DENND5B: variants seen among roughly 807,000 people sequenced by gnomAD.
DENND5B encodes the protein DENN domain containing 5B, also known as DENN domain-containing protein 5B.
In DENND5B, 34 loss-of-function variants were observed where a neutral mutation model predicts 140.6. The ratio of observed to expected loss-of-function variants is 0.24; its 90% CI spans 0.18 to 0.32. The LOEUF (loss-of-function observed/expected upper bound fraction) is 0.32, where lower values mean the gene tolerates loss of function less well. Ranked by LOEUF, DENND5B falls within the 10% of genes least tolerant of loss-of-function variation. DENND5B has a pLI of 1.00. For missense variants in DENND5B, 1,142 were observed against 1,560.2 expected (o/e 0.73, Z 4.52); for synonymous variants, 551 against 562.1 (o/e 0.98, Z 0.28).
At chr12:31,480,341 G>A in intron 2 of DENND5B, 86 bp from the exon 3 acceptor site, 2 of 1,294,314 alleles carry the variant, frequency 1.5e-6, no homozygotes, top group Non-Finnish European at 2.0e-6. Context: ...TAACATAACA[G>A]GATTCAAAAA....
At chr12:31,467,698 G>A (rs1390435952) in intron 3 of DENND5B, among the ~76,000 whole-genome samples, 1 of 152,010 alleles carries the variant, frequency 6.6e-6, no homozygotes, top group East Asian at 1.9e-4. Flanking sequence ...CTAATTTGAG[G>A]GATTATTAAA....
At chr12:31,526,925 G>A (rs1229638671) in intron 1 of DENND5B, among the ~76,000 whole-genome samples, 2 of 152,198 alleles carry the variant, frequency 1.3e-5, no homozygotes, top group Non-Finnish European at 2.9e-5. Context: ...TTAATCTAAA[G>A]TATTTTCATA....
chr12:31,438,565 A>G (rs575318947), intron 7 of DENND5B, among the ~76,000 whole-genome samples: 89 of 152,032 alleles, frequency 5.9e-4, no homozygotes, highest in African/African-American at 2.1e-3. Context: ...AAGGATACAA[A>G]AAGAATCGGG....
chr12:31,577,475 C>T (rs567492405), intron 1 of DENND5B, among the ~76,000 whole-genome samples: 1 of 152,030 alleles, frequency 6.6e-6, no homozygotes, highest in Admixed American at 6.6e-5. Context: ...CTTTGGGAGG[C>T]CGAGGCAGGC....
chr12:31,585,129 A>G (rs548231562), intron 1 of DENND5B, among the ~76,000 whole-genome samples: 2 of 152,232 alleles, frequency 1.3e-5, no homozygotes, highest in Admixed American at 6.5e-5. Context: ...CATAACCCAA[A>G]TATCTCCCAA....
At chr12:31,579,210 T>C (rs1950124568) in intron 1 of DENND5B, among the ~76,000 whole-genome samples, 1 of 152,232 alleles carries the variant, frequency 6.6e-6, no homozygotes, top group Admixed American at 6.5e-5. Context: ...CATAGATTCT[T>C]GGAAAAGGTG....
intron 1 of DENND5B, among the ~76,000 whole-genome samples, chr12:31,561,797 T>C (rs545313747): frequency 2.0e-5 from 3 of 152,306 alleles, no homozygotes; most frequent in South Asian, 2.1e-4. Flanking sequence ...GTAACTACAG[T>C]CAAAATGAGG....
At chr12:31,394,173 T>A (rs556034385) in intron 17 of DENND5B, among the ~76,000 whole-genome samples, 1 of 152,254 alleles carries the variant, frequency 6.6e-6, no homozygotes, top group African/African-American at 2.4e-5. Flanking sequence ...CTTTTAGACA[T>A]GAAGTCTATT....
chr12:31,434,232 T>TTTA (rs1242426991), intron 7 of DENND5B, among the ~76,000 whole-genome samples: 3 of 152,174 alleles, frequency 2.0e-5, no homozygotes, highest in Non-Finnish European at 4.4e-5. Flanking sequence ...TATAAAACTC[T>TTTA]TAAATATAAA....
chr12:31,451,857 C>T, intron 5 of DENND5B, 83 bp downstream of exon 5: 1 of 1,482,866 alleles, frequency 6.7e-7, no homozygotes, highest in Non-Finnish European at 9.1e-7. Context: ...AGCATAGGCA[C>T]AGAAGAATAA....
intron 7 of DENND5B, among the ~76,000 whole-genome samples, chr12:31,440,662 G>T (rs1943990503): frequency 6.6e-6 from 1 of 152,156 alleles, no homozygotes; most frequent in African/African-American, 2.4e-5. Context: ...CAAACGAAGG[G>T]TTTTTTGTTT....
rs191479868 is a variant in DENND5B at position 31,586,904 on chromosome 12, A to T, written c.127+3802T>A. 1.2e-4 allele frequency among the ~76,000 whole-genome samples: 18 copies of T among 152,344 alleles called. 1 individual carries two copies. In the East Asian group the frequency reaches 3.5e-3, roughly 29 times the overall value. On this transcript the variant is annotated intron_variant, in intron 1 of 20. Transcript: ENST00000389082. Reference sequence around the variant, plus strand: ...TTGAAATTAATGCAGCAAAACAGAAACTACCTTCTGGCTAATTTGCCTAAC... The same window carrying T: ...TTGAAATTAATGCAGCAAAACAGAATCTACCTTCTGGCTAATTTGCCTAAC...
At chr12:31,524,737 A>G (rs1820558865) in intron 1 of DENND5B, among the ~76,000 whole-genome samples, 1 of 152,076 alleles carries the variant, frequency 6.6e-6, no homozygotes, top group Admixed American at 6.6e-5. Flanking sequence ...AAGAAATTTG[A>G]GCAAGGTAAG....
chr12:31,464,623 C>T (rs573538722), intron 3 of DENND5B, among the ~76,000 whole-genome samples: 2 of 152,056 alleles, frequency 1.3e-5, no homozygotes, highest in African/African-American at 2.4e-5. Flanking sequence ...TGCAGTGGTG[C>T]GATCTTGGTT....
At chr12:31,571,765 C>T (rs1200841334) in intron 1 of DENND5B, among the ~76,000 whole-genome samples, 1 of 152,156 alleles carries the variant, frequency 6.6e-6, no homozygotes, top group Non-Finnish European at 1.5e-5. Flanking sequence ...AGCCACCACG[C>T]CCGGCTAATT....
intron 2 of DENND5B, among the ~76,000 whole-genome samples, chr12:31,484,512 G>A (rs568904555): frequency 2.0e-5 from 3 of 152,152 alleles, no homozygotes; most frequent in South Asian, 2.1e-4. Context: ...TTAAAAAATC[G>A]TCATCTTGGA....
intron 8 of DENND5B, among the ~76,000 whole-genome samples, chr12:31,428,026 G>A (rs779769607): frequency 2.6e-4 from 40 of 152,204 alleles, no homozygotes; most frequent in African/African-American, 8.9e-4. Flanking sequence ...CCTTTGTGAC[G>A]AAAGGCAAAA....
Position 31,495,825 on chromosome 12 carries a change from T to C in DENND5B, c.222A>G (p.Gln74=). The change falls in exon 2 of 21, where the codon CAA becomes CAG. Residue 74 remains glutamine, a synonymous_variant. Transcript: ENST00000389082. The stretch of plus-strand genomic sequence containing the variant: ...AAACACATACCATGTTCACCGCATC[T>C]TGATCAAAAGGGTTCCATTCTATAT... ...PQNIEWNPFD[Q]DAVNMLCMPK... is the part of the protein sequence containing the mutation. 2 of 1,610,316 alleles carry C rather than the reference T, an allele frequency of 1.2e-6. No homozygotes were observed. Among genetic ancestry groups the C allele is most frequent in the Admixed American group, 1.7e-5 (1 of 59,360 alleles).
chr12:31,524,518 T>C (rs1198816317), intron 1 of DENND5B, among the ~76,000 whole-genome samples: 3 of 152,138 alleles, frequency 2.0e-5, no homozygotes, highest in African/African-American at 7.2e-5. Flanking sequence ...CCGGGCATGA[T>C]GGCATGTGCC....
Sources: gnomAD v4.1 joint callset for allele counts (sites outside exome capture counted in the v4.1 genomes callset) on GRCh38, gnomAD v4.1.1 for gene constraint, MANE v1.5 for transcripts, NCBI Gene and HGNC (gene_info 2026-07-23, HGNC 2026-07-21) for gene names.